MYO1E: variants seen among roughly 807,000 people sequenced by gnomAD.
MYO1E encodes the protein myosin IE.
In MYO1E, 68 loss-of-function variants were observed where a neutral mutation model predicts 151.1. The ratio of observed to expected loss-of-function variants is 0.45; its 90% CI spans 0.37 to 0.55. The LOEUF (loss-of-function observed/expected upper bound fraction) is 0.55. Ranked by LOEUF, MYO1E falls within the 20% of genes least tolerant of loss-of-function variation. The pLI is 0.00. For missense variants in MYO1E, 1,363 were observed against 1,389.3 expected (o/e 0.98, Z 0.30); for synonymous variants, 601 against 501.7 (o/e 1.20, Z -2.64).
At chr15:59,276,221 G>A (rs944219967) in intron 1 of MYO1E, among the ~76,000 whole-genome samples, 1 of 152,142 alleles carries the variant, frequency 6.6e-6, no homozygotes, top group Non-Finnish European at 1.5e-5. Context: ...ATCAGTGTGA[G>A]GGCAGCCATT....
chr15:59,165,693 A>C (rs541084104), intron 22 of MYO1E, among the ~76,000 whole-genome samples: 14 of 152,344 alleles, frequency 9.2e-5, no homozygotes, highest in Admixed American at 7.8e-4. Flanking sequence ...AACCCCAAAA[A>C]GCACTTATGA....
intron 1 of MYO1E, among the ~76,000 whole-genome samples, chr15:59,299,866 G>C (rs1314474968): frequency 1.3e-5 from 2 of 152,152 alleles, no homozygotes; most frequent in African/African-American, 4.8e-5. Flanking sequence ...AAGTTGATTA[G>C]ATTTTCCCTA....
intron 18 of MYO1E, among the ~76,000 whole-genome samples, chr15:59,186,113 T>G (rs1448682085): frequency 6.6e-6 from 1 of 152,220 alleles, no homozygotes; most frequent in Non-Finnish European, 1.5e-5. Flanking sequence ...ATAGTCCTGC[T>G]TACACTATAG....
chr15:59,284,126 C>T (rs1201786980), intron 1 of MYO1E, among the ~76,000 whole-genome samples: 1 of 152,228 alleles, frequency 6.6e-6, no homozygotes, highest in Non-Finnish European at 1.5e-5. Flanking sequence ...CATGTCCCCA[C>T]CAGGGTGGTG....
intron 1 of MYO1E, among the ~76,000 whole-genome samples, chr15:59,323,653 C>T (rs2080642920): frequency 6.6e-6 from 1 of 150,832 alleles, no homozygotes; most frequent in Non-Finnish European, 1.5e-5. Flanking sequence ...GAGACTCCGC[C>T]TCAAAAAAGA....
At position 59,207,344 on chromosome 15, in the gene MYO1E, C is replaced by T. The variant is rs768514208; in HGVS notation, c.1530+1337G>A. 6.8e-6 allele frequency: 11 copies of T among 1,613,968 alleles called. No individual in the cohort carries two copies. The highest frequency in any genetic ancestry group is 1.1e-5 in the South Asian group (1 of 91,086). On this transcript the variant is annotated intron_variant, in intron 14 of 27. Coordinates refer to ENST00000288235, the MANE Select transcript of MYO1E (RefSeq NM_004998.4). ...GTTTGTAGCAAAGATTACTTTGTCA[C>T]AGCAAACTCCAACCTAGTGATTATC...
chr15:59,348,968 G>A (rs1489592171), intron 1 of MYO1E: 1 of 152,178 alleles, frequency 6.6e-6, no homozygotes, highest in Admixed American at 6.6e-5. Flanking sequence ...AGCTTAAAGG[G>A]TCTAACACAA....
chr15:59,197,608 A>G (rs2079775692), intron 16 of MYO1E, among the ~76,000 whole-genome samples: 1 of 152,210 alleles, frequency 6.6e-6, no homozygotes, highest in South Asian at 2.1e-4. Context: ...GCTCAAGATG[A>G]CACAATTTGC....
chr15:59,199,435 A>T lies in MYO1E; in HGVS notation c.1698+2891T>A, dbSNP rs116572837. Among the ~76,000 whole-genome samples the T allele has an allele frequency of 9.5e-3, 1,448 of 152,266 alleles. 18 individuals carry two copies. The highest frequency in any genetic ancestry group is 0.034 in the African/African-American group (1,403 of 41,538). ...CTAATCTGAAAAGCTGAAATCCAAAATGCTCCAAAATTTGAAACTTTTTGA... is the reference window on the plus strand; with the variant it reads ...CTAATCTGAAAAGCTGAAATCCAAATTGCTCCAAAATTTGAAACTTTTTGA... On this transcript the variant is annotated intron_variant, in intron 16 of 27. Transcript: ENST00000288235.
intron 1 of MYO1E, among the ~76,000 whole-genome samples, chr15:59,304,022 AC>A (rs2140405662): frequency 7.5e-6 from 1 of 133,442 alleles, no homozygotes; most frequent in Non-Finnish European, 1.5e-5. Flanking sequence ...CGCTCTTGTC[AC>A]CCAGGCTGGA....
Position 59,355,341 on chromosome 15 carries a change from C to A in MYO1E, c.3+17157G>T, listed in dbSNP as rs867095584. On this transcript the variant is annotated intron_variant, in intron 1 of 27. Transcript: ENST00000288235. The stretch of plus-strand genomic sequence containing the variant: ...CCTTGTCTACAAGCCACTGGCAATT[C>A]CTCCTTCCAAATGTTCTAACTGGTG... Among the ~76,000 whole-genome samples the A allele has an allele frequency of 3.5e-4, 53 of 152,292 alleles. 2 individuals carry two copies. The highest frequency in any genetic ancestry group is 1.2e-3 in the African/African-American group (48 of 41,562).
At chr15:59,336,338 C>A (rs574228944) in intron 1 of MYO1E, among the ~76,000 whole-genome samples, 4 of 151,762 alleles carry the variant, frequency 2.6e-5, no homozygotes, top group Non-Finnish European at 4.4e-5. Context: ...CCACTGCACT[C>A]CAGTCTCGGT....
intron 18 of MYO1E, among the ~76,000 whole-genome samples, chr15:59,185,342 A>C (rs2079689344): frequency 6.6e-6 from 1 of 152,002 alleles, no homozygotes; most frequent in African/African-American, 2.4e-5. Flanking sequence ...ATGCCAACTC[A>C]CTGCAACTTC....
At position 59,241,408 on chromosome 15, in the gene MYO1E, T is replaced by C. The variant is rs140756984; in HGVS notation, c.333-4736A>G. Among the ~76,000 whole-genome samples, 571 of 152,208 alleles carry C rather than the reference T, an allele frequency of 3.8e-3. 3 individuals carry two copies. The highest frequency in any genetic ancestry group is 0.013 in the African/African-American group (525 of 41,534). ...ATAAAACAAATAAAAATAAAAACAA[T>C]TGGCTGGGTGCAGTGGCTCACGCCT... On this transcript the variant is annotated intron_variant, in intron 4 of 27. Transcript: ENST00000288235.
At chr15:59,178,298 C>G (rs552510314) in intron 19 of MYO1E, 95 bp downstream of exon 19, 8 of 1,475,086 alleles carry the variant, frequency 5.4e-6, no homozygotes, top group South Asian at 1.2e-5. Flanking sequence ...TGGCATGAAG[C>G]GAAGAATGAG....
rs569052795 is a variant in MYO1E at position 59,177,206 on chromosome 15, G to A, written c.2049+1187C>T. ...TTTATATTTGGAAATGAAAATTCTTGTGAAGCTACAAATAACTCAAAGTAG... is the reference window on the plus strand; with the variant it reads ...TTTATATTTGGAAATGAAAATTCTTATGAAGCTACAAATAACTCAAAGTAG... On this transcript the variant is annotated intron_variant, in intron 19 of 27. Coordinates refer to ENST00000288235, the MANE Select transcript of MYO1E (RefSeq NM_004998.4). 5.3e-5 allele frequency among the ~76,000 whole-genome samples: 8 copies of A among 152,254 alleles called. No individual in the cohort carries two copies. The South Asian group carries it at 6.2e-4, about 12-fold the overall frequency.
chr15:59,188,704 A>G (rs2079714559), intron 17 of MYO1E, among the ~76,000 whole-genome samples: 1 of 151,934 alleles, frequency 6.6e-6, no homozygotes, highest in African/African-American at 2.4e-5. Context: ...TCAGAAATAA[A>G]ATAAATATAA....
At chr15:59,182,410 A>T (rs1400957095) in intron 18 of MYO1E, among the ~76,000 whole-genome samples, 2 of 151,962 alleles carry the variant, frequency 1.3e-5, no homozygotes, top group Non-Finnish European at 1.5e-5. Context: ...GCGGGGTTTC[A>T]CCATTTTGGT....
intron 12 of MYO1E, among the ~76,000 whole-genome samples, chr15:59,212,006 C>G (rs1253686429): frequency 6.6e-6 from 1 of 152,064 alleles, no homozygotes; most frequent in East Asian, 1.9e-4. Flanking sequence ...TCATGTCACT[C>G]CTCCCTCAAA....
Sources: gnomAD v4.1 joint callset for allele counts (sites outside exome capture counted in the v4.1 genomes callset) on GRCh38, gnomAD v4.1.1 for gene constraint, MANE v1.5 for transcripts, NCBI Gene and HGNC (gene_info 2026-07-23, HGNC 2026-07-21) for gene names.